Variants in GTF2H5 observed in about 807,000 individuals in gnomAD.
GTF2H5 encodes the protein general transcription factor IIH subunit 5, also known as TFB5 ortholog.
Under a neutral mutation model 7.1 loss-of-function variants are expected in GTF2H5, and 5 were observed. The observed-to-expected ratio is 0.71, with a 90% CI of 0.37 to 1.49. The LOEUF (loss-of-function observed/expected upper bound fraction) is 1.49. Ranked by LOEUF, GTF2H5 falls within the 40% of genes most tolerant of loss-of-function variation. The pLI, the probability that GTF2H5 is intolerant of heterozygous loss-of-function variation, is 0.03. For synonymous variants in GTF2H5, 30 were observed against 31.7 expected, an observed-to-expected ratio of 0.95 and a Z score of 0.18; for missense variants, 80 against 83.0, an observed-to-expected ratio of 0.96 and a Z score of 0.14.
At chr6:158,188,432 C>A (rs779897717) in intron 2 of GTF2H5, among the ~76,000 whole-genome samples, 3 of 152,148 alleles carry the variant, frequency 2.0e-5, no homozygotes, top group Non-Finnish European at 2.9e-5. Flanking sequence ...GTCCTATAGG[C>A]CTCATTTTCC....
At chr6:158,187,382 C>T (rs138987430) in intron 2 of GTF2H5, among the ~76,000 whole-genome samples, 19 of 152,182 alleles carry the variant, frequency 1.2e-4, no homozygotes, top group African/African-American at 4.3e-4. Context: ...TCTACAGAGT[C>T]GATTATTCCC....
At chr6:158,191,857 TTGAG>T (rs893015022) in intron 2 of GTF2H5, 116 bp from the exon 3 acceptor site, 40 of 761,592 alleles carry the variant, frequency 5.3e-5, no homozygotes, top group Admixed American at 2.8e-4. Flanking sequence ...AAGTGAGGGA[TTGAG>T]TAACAGAACT....
rs1203796583 is a variant in GTF2H5, at chr6:158,169,467, T to C, written c.-34-1003T>C. ...TATATTATATATTATATATATTATA[T>C]TGTATATTATATATAATATATTGTA... On this transcript the variant is annotated intron_variant, in intron 1 of 2. Coordinates refer to ENST00000607778, the MANE Select transcript of GTF2H5 (RefSeq NM_207118.3). Among the ~76,000 whole-genome samples the C allele has an allele frequency of 7.8e-4, 50 of 64,392 alleles. 3 individuals are homozygous for C. Among genetic ancestry groups the C allele is most frequent in the African/African-American group, 3.7e-3 (41 of 11,168 alleles). 42.2% of individuals were successfully genotyped at this position (64,392 alleles called of 152,430 possible). A position where few individuals can be genotyped will look rare whatever the true frequency, so the allele number is the denominator to read the frequency against.
At chr6:158,169,655 A>ATAATGTATATTG (rs1270229749) in intron 1 of GTF2H5, among the ~76,000 whole-genome samples, 1 of 56,448 alleles carries the variant, frequency 1.8e-5, no homozygotes, top group African/African-American at 1.1e-4. Context: ...TGTATATTAC[A>ATAATGTATATTG]TATAATATAT....
intron 2 of GTF2H5, among the ~76,000 whole-genome samples, chr6:158,181,179 GT>G (rs1262343963): frequency 6.6e-6 from 1 of 152,166 alleles, no homozygotes; most frequent in Non-Finnish European, 1.5e-5. Context: ...TAGTTGTGTG[GT>G]TTTGAGTGAA....
At chr6:158,175,113 T>A (rs1785916918) in intron 2 of GTF2H5, among the ~76,000 whole-genome samples, 1 of 151,922 alleles carries the variant, frequency 6.6e-6, no homozygotes, top group South Asian at 2.1e-4. Context: ...GAATAAATTT[T>A]GTTAACAGAA....
intron 2 of GTF2H5, among the ~76,000 whole-genome samples, chr6:158,182,783 T>G (rs1373978174): frequency 6.6e-6 from 1 of 152,054 alleles, no homozygotes; most frequent in East Asian, 1.9e-4. Context: ...CGTCTAAACT[T>G]TTTTCAAGGT....
chr6:158,169,787 A>ATATTTTG (rs1562469573), intron 1 of GTF2H5, among the ~76,000 whole-genome samples: 1 of 105,924 alleles, frequency 9.4e-6, no homozygotes, highest in African/African-American at 4.5e-5. Flanking sequence ...ATTGTATATT[A>ATATTTTG]TATATTATAT....
chr6:158,184,358 T>C (rs1347284172), intron 2 of GTF2H5, among the ~76,000 whole-genome samples: 1 of 152,196 alleles, frequency 6.6e-6, no homozygotes, highest in Non-Finnish European at 1.5e-5. Flanking sequence ...ATACATATTT[T>C]GGTTGGCAGA....
chr6:158,176,065 T>C (rs1785930223), intron 2 of GTF2H5, among the ~76,000 whole-genome samples: 1 of 152,236 alleles, frequency 6.6e-6, no homozygotes, highest in South Asian at 2.1e-4. Flanking sequence ...TCTCCATTTA[T>C]GGATGTACAA....
Position 158,192,440 on chromosome 6 carries a change from T to C in GTF2H5, c.*283T>C, listed in dbSNP as rs1777043296. 2.6e-6 allele frequency: 1 copy of C among 389,514 alleles called. No individual in the cohort carries two copies. Among genetic ancestry groups the C allele is most frequent in the Admixed American group, 3.9e-5 (1 of 25,364 alleles). 24.1% of individuals were successfully genotyped at this position (389,514 alleles called of 1,614,324 possible). ...TGCTTTTCCTGCCTTTTTAATACCA[T>C]GTCAGTGTAACATAGGTATTTATTT... On this transcript the variant is annotated 3_prime_UTR_variant, in exon 3 of 3. Coordinates refer to ENST00000607778, the MANE Select transcript of GTF2H5 (RefSeq NM_207118.3).
At position 158,197,478 on chromosome 6, in the gene GTF2H5, CA is replaced by C; in HGVS notation, c.*5325del. On this transcript the variant is annotated 3_prime_UTR_variant, in exon 3 of 3. Coordinates refer to ENST00000607778, the MANE Select transcript of GTF2H5 (RefSeq NM_207118.3). Reference sequence around the variant, plus strand: ...CCAGTATGACCCTCAAGACAAAATACAAAACAATGGCTACCAAGAGGTGGAA... The same window carrying C: ...CCAGTATGACCCTCAAGACAAAATACAAACAATGGCTACCAAGAGGTGGAA... The C allele has an allele frequency of 6.6e-6, 1 of 151,664 alleles. No homozygotes were observed. The highest frequency in any genetic ancestry group is 1.5e-5 in the Non-Finnish European group (1 of 67,904). 9.4% of individuals were successfully genotyped at this position (151,664 alleles called of 1,614,324 possible).
chr6:158,190,075 T>G (rs1777001792), intron 2 of GTF2H5, among the ~76,000 whole-genome samples: 1 of 152,106 alleles, frequency 6.6e-6, no homozygotes, highest in South Asian at 2.1e-4. Context: ...TAAACCTTTT[T>G]TTTTTTTAGT....
At chr6:158,188,355 A>G (rs1256480246) in intron 2 of GTF2H5, among the ~76,000 whole-genome samples, 1 of 152,176 alleles carries the variant, frequency 6.6e-6, no homozygotes, top group Non-Finnish European at 1.5e-5. Context: ...GAGGGAAACA[A>G]CTAAATTTTT....
At chr6:158,175,358 C>T (rs1562471718) in intron 2 of GTF2H5, among the ~76,000 whole-genome samples, 1 of 152,152 alleles carries the variant, frequency 6.6e-6, no homozygotes, top group African/African-American at 2.4e-5. Flanking sequence ...AGCAAGCACC[C>T]CACCAAGCTG....
chr6:158,168,923 C>T (rs1250866344), intron 1 of GTF2H5, among the ~76,000 whole-genome samples: 1 of 151,836 alleles, frequency 6.6e-6, no homozygotes, highest in East Asian at 1.9e-4. Flanking sequence ...CATGGTGAAA[C>T]CCCGTCTCCA....
chr6:158,191,955 A>C (rs1777035556), intron 2 of GTF2H5, 22 bp from the exon 3 acceptor site: 1 of 1,600,222 alleles, frequency 6.2e-7, no homozygotes, highest in African/African-American at 1.3e-5. Context: ...GCTGTCTTAC[A>C]ATCATGTGTT....
At chr6:158,184,359 G>A (rs892226940) in intron 2 of GTF2H5, among the ~76,000 whole-genome samples, 2 of 152,166 alleles carry the variant, frequency 1.3e-5, no homozygotes, top group Non-Finnish European at 2.9e-5. Context: ...TACATATTTT[G>A]GTTGGCAGAG....
At chr6:158,169,518 ATATAATATACAG>A (rs1785752427) in intron 1 of GTF2H5, among the ~76,000 whole-genome samples, 1 of 82,454 alleles carries the variant, frequency 1.2e-5, no homozygotes, top group African/African-American at 4.8e-5. Context: ...TGTATATTAT[ATATAATATACAG>A]TATATTATAT....
Sources: allele counts gnomAD v4.1 joint callset (sites outside exome capture counted in the v4.1 genomes callset), GRCh38; gene constraint gnomAD v4.1.1; transcripts MANE v1.5; gene names NCBI Gene and HGNC (gene_info 2026-07-23, HGNC 2026-07-21).